The following LDB3 variants were observed in gnomAD, a reference collection of about 807,000 sequenced individuals.
LDB3 encodes the protein LIM domain-binding protein 3.
LDB3 carries 49 observed loss-of-function variants against 69.0 expected under a neutral mutation model. The ratio of observed to expected loss-of-function variants is 0.71; its 90% CI spans 0.56 to 0.90. The LOEUF (loss-of-function observed/expected upper bound fraction) is 0.90, where lower values mean the gene tolerates loss of function less well. Among genes scored for constraint, LDB3 ranks in the 40% least tolerant of loss-of-function variants. LDB3 has a pLI of 0.00. For missense variants in LDB3, 928 were observed against 974.1 expected, an observed-to-expected ratio of 0.95 and a Z score of 0.63; for synonymous variants, 387 against 396.2, an observed-to-expected ratio of 0.98 and a Z score of 0.28.
intron 2 of LDB3, among the ~76,000 whole-genome samples, chr10:86,671,548 G>A (rs940762594): frequency 3.3e-5 from 5 of 151,962 alleles, no homozygotes; most frequent in African/African-American, 1.2e-4. Flanking sequence ...GTGTGGCTGG[G>A]CCTGCAACAT....
intron 2 of LDB3, among the ~76,000 whole-genome samples, chr10:86,671,139 C>A (rs1419842974): frequency 6.6e-6 from 1 of 152,168 alleles, no homozygotes; most frequent in South Asian, 2.1e-4. Context: ...GGCAGGCAGG[C>A]GAGGCTGGGA....
intron 5 of LDB3, 111 bp downstream of exon 5, chr10:86,681,914 C>T: frequency 8.7e-7 from 1 of 1,148,636 alleles, no homozygotes; most frequent in Non-Finnish European, 1.2e-6. Context: ...CCAATCCAGC[C>T]AGCCCCGAGC....
intron 7 of LDB3, among the ~76,000 whole-genome samples, chr10:86,697,215 C>CTTTT (rs34215720): frequency 0.019 from 1,461 of 77,828 alleles, 89 homozygotes; most frequent in South Asian, 0.042. Context: ...TAGCAATTCA[C>CTTTT]TTTTTTTTTT....
chr10:86,718,555 C>T (rs1181661542), intron 11 of LDB3, among the ~76,000 whole-genome samples, 172 bp from the exon 12 acceptor site: 1 of 152,216 alleles, frequency 6.6e-6, no homozygotes, highest in Non-Finnish European at 1.5e-5. Flanking sequence ...TGGAGAGTGA[C>T]AACCCCTTCT....
At chr10:86,692,788 A>G (rs1396911385) in intron 7 of LDB3, among the ~76,000 whole-genome samples, 1 of 152,216 alleles carries the variant, frequency 6.6e-6, no homozygotes. Context: ...GGCCCAGGCT[A>G]CAAGAGCGAA....
At chr10:86,668,342 CT>C (rs1844261305), upstream of LDB3, 4 of 382,864 alleles carry the variant, frequency 1.0e-5, no homozygotes, top group Admixed American at 3.6e-5. Context: ...TTCCTCCCCC[CT>C]GGGGGGTGCT....
At chr10:86,707,180 A>C (rs542762902) in intron 8 of LDB3, among the ~76,000 whole-genome samples, 223 of 152,128 alleles carry the variant, frequency 1.5e-3, no homozygotes, top group African/African-American at 5.0e-3. Flanking sequence ...GCAGCATTGG[A>C]GCTGGGCAGG....
chr10:86,694,302 G>C (rs1313340182), intron 7 of LDB3, among the ~76,000 whole-genome samples: 1 of 152,166 alleles, frequency 6.6e-6, no homozygotes, highest in East Asian at 1.9e-4. Flanking sequence ...TGGTCTTGAG[G>C]GTAATTGAAG....
chr10:86,686,237 G>A (rs1042640349), intron 5 of LDB3, among the ~76,000 whole-genome samples: 15 of 152,218 alleles, frequency 9.9e-5, no homozygotes, highest in African/African-American at 3.6e-4. Context: ...TGGAAGATCA[G>A]AGCCCTGGGC....
At chr10:86,684,378 T>C (rs1010328103) in intron 5 of LDB3, among the ~76,000 whole-genome samples, 2 of 152,226 alleles carry the variant, frequency 1.3e-5, no homozygotes, top group African/African-American at 4.8e-5. Flanking sequence ...AGGAGCAGGC[T>C]GCCAAGGGAG....
At chr10:86,686,655 G>GAA (rs113632066) in intron 5 of LDB3, among the ~76,000 whole-genome samples, 9 of 144,256 alleles carry the variant, frequency 6.2e-5, no homozygotes, top group African/African-American at 2.3e-4. Context: ...TGTCTTTACA[G>GAA]AAAAAAAAAA....
chr10:86,732,795 CGCCTG>C (rs760250803), intron 13 of LDB3, 87 bp from the exon 14 acceptor site: 9 of 990,488 alleles, frequency 9.1e-6, no homozygotes, highest in Non-Finnish European at 1.3e-5. Context: ...TGAGCCACCA[CGCCTG>C]GCCAGGGCGT....
In LDB3 at chr10:86,681,772, G is replaced by A; in HGVS notation, c.658G>A (p.Gly220Arg). 1 of 1,599,978 alleles carries A rather than the reference G, an allele frequency of 6.3e-7. No individual in the cohort carries two copies. Among genetic ancestry groups the A allele is most frequent in the Non-Finnish European group, 8.5e-7 (1 of 1,172,326 alleles). ...MAQMYQMSLR[G>R]KASGVGLPGG... ...TCAGATGTACCAGATGAGCCTCCGA[G>A]GGAAGGCCTCGGGTGTCGGACTCCC... The change falls in exon 5 of 14, where the codon GGG becomes AGG. Residue 220 changes from glycine (G) to arginine (R), a missense_variant. Gly to Arg is a moderately radical substitution (Grantham distance 125, BLOSUM62 -2). Coordinates refer to ENST00000361373, the MANE Select transcript of LDB3 (RefSeq NM_007078.3).
chr10:86,679,606 G>A, intron 3 of LDB3, 88 bp downstream of exon 3: 1 of 1,446,408 alleles, frequency 6.9e-7, no homozygotes, highest in Non-Finnish European at 9.6e-7. Context: ...CATAGCAATT[G>A]AGTGGGCCCC....
chr10:86,684,493 A>G (rs1337604828), intron 5 of LDB3, among the ~76,000 whole-genome samples: 2 of 152,362 alleles, frequency 1.3e-5, no homozygotes, highest in Non-Finnish European at 2.9e-5. Context: ...CTGGCCAAAA[A>G]TGGAGAAGGA....
chr10:86,676,564 C>CAAAA lies in LDB3; in HGVS notation c.94-2791_94-2788dup, dbSNP rs71487272. On this transcript the variant is annotated intron_variant, in intron 2 of 13. Coordinates refer to ENST00000361373, the MANE Select transcript of LDB3 (RefSeq NM_007078.3). ...TGGGCATCAGAGCAAGACCCTGTCTCAAAAAAAAAAAAAAAGAGAAAGAAA... is the reference window on the plus strand; with the variant it reads ...TGGGCATCAGAGCAAGACCCTGTCTCAAAAAAAAAAAAAAAAAAAGAGAAAGAAA... Among the ~76,000 whole-genome samples the CAAAA allele has an allele frequency of 5.4e-3, 587 of 109,632 alleles. 6 individuals are homozygous for CAAAA. Among genetic ancestry groups the CAAAA allele is most frequent in the Middle Eastern group, 0.017 (3 of 172 alleles). 71.9% of individuals were successfully genotyped at this position (109,632 alleles called of 152,430 possible).
At chr10:86,689,658 G>A (rs1176763051) in intron 5 of LDB3, among the ~76,000 whole-genome samples, 1 of 152,198 alleles carries the variant, frequency 6.6e-6, no homozygotes, top group African/African-American at 2.4e-5. Context: ...TTCAGGGCTA[G>A]AAGGTGACAA....
chr10:86,719,097 T>C (rs778139895), intron 12 of LDB3, among the ~76,000 whole-genome samples: 3 of 152,222 alleles, frequency 2.0e-5, no homozygotes, highest in African/African-American at 4.8e-5. Flanking sequence ...GCTTATTTTA[T>C]GCATCAAATA....
chr10:86,705,170 G>C (rs1846396981), intron 7 of LDB3, among the ~76,000 whole-genome samples: 1 of 152,180 alleles, frequency 6.6e-6, no homozygotes, highest in Non-Finnish European at 1.5e-5. Flanking sequence ...TACCGGTTAA[G>C]GATTCAAATC....
Sources: allele counts gnomAD v4.1 joint callset (sites outside exome capture counted in the v4.1 genomes callset), GRCh38; gene constraint gnomAD v4.1.1; transcripts MANE v1.5; gene names NCBI Gene and HGNC (gene_info 2026-07-23, HGNC 2026-07-21).